Variants in ZNF135 observed in about 807,000 individuals in gnomAD.
ZNF135 encodes zinc finger protein 135 (clone pHZ-17).
A neutral mutation model predicts 12.3 loss-of-function variants in ZNF135; 11 were observed. The ratio of observed to expected loss-of-function variants is 0.89; its 90% confidence interval spans 0.56 to 1.48. The LOEUF is 1.48. ZNF135 is among the 40% of genes most tolerant of loss of function. The pLI, the probability that ZNF135 is intolerant of heterozygous loss-of-function variation, is 0.00. For synonymous variants in ZNF135, 316 were observed against 312.0 expected (o/e 1.01, Z -0.14); for missense variants, 722 against 815.7 (o/e 0.89, Z 1.40).
chr19:58,067,218 A>C lies in ZNF135; in HGVS notation c.734A>C (p.His245Pro), dbSNP rs139850602. 302 of 1,614,146 alleles carry C rather than the reference A, an allele frequency of 1.9e-4. No homozygotes were observed. In the African/African-American group the frequency reaches 3.4e-3, roughly 18 times the overall value. The part of the protein sequence containing the change: ...THTGERPYEC[H>P]ECLKGFRNSS... The stretch of plus-strand genomic sequence containing the variant: ...ACAGGAGAGAGACCTTACGAATGTC[A>C]CGAATGCTTAAAAGGCTTCCGGAAC... The change falls in exon 5 of 5, where the codon CAC (histidine) becomes CCC (proline). Residue 245 changes from histidine (H) to proline (P), a missense_variant. Transcript: ENST00000313434.
At position 58,065,951 on chromosome 19, in the gene ZNF135, T is replaced by G. The variant is rs751816760; in HGVS notation, c.257-790T>G. Among the ~76,000 whole-genome samples, 1 of 152,008 alleles carries G rather than the reference T, an allele frequency of 6.6e-6. No homozygotes were observed. Among genetic ancestry groups the G allele is most frequent in the Non-Finnish European group, 1.5e-5 (1 of 67,984 alleles). On this transcript the variant is annotated intron_variant, in intron 4 of 4. Coordinates refer to ENST00000313434, the MANE Select transcript of ZNF135 (RefSeq NM_001289401.2). This position sits in a 1 kb window ranked among gnomAD's most constrained non-coding sequence, Gnocchi z 4.0. Reference sequence around the variant, plus strand: ...CAGGTCATGGCTGTGCAGAGAGGGCTGGGTACCAGGGCAAAAAGAGAGTCC... The same window carrying G: ...CAGGTCATGGCTGTGCAGAGAGGGCGGGGTACCAGGGCAAAAAGAGAGTCC...
rs775135914 is a variant in ZNF135, at chr19:58,059,515, TGA to T, written c.-35+209_-35+210del. Among the ~76,000 whole-genome samples the T allele has an allele frequency of 4.5e-4, 69 of 151,986 alleles. No individual in the cohort carries two copies. Among genetic ancestry groups the T allele is most frequent in the Middle Eastern group, 6.8e-3 (2 of 294 alleles). On this transcript the variant is annotated intron_variant, in intron 1 of 4. Coordinates refer to ENST00000313434, the MANE Select transcript of ZNF135 (RefSeq NM_001289401.2). The surrounding 1 kb of genome is among the most constrained non-coding windows in gnomAD (Gnocchi z 6.5). ...CAGGCTTTGCGGGGCATCCCTAGTC[TGA>T]GAGGAGGGCGGGGCCCAACGCCCAG...
intron 4 of ZNF135, among the ~76,000 whole-genome samples, chr19:58,064,891 A>G (rs1364440988): frequency 6.6e-6 from 1 of 152,136 alleles, no homozygotes; most frequent in East Asian, 1.9e-4. Context: ...CCATGTTTCA[A>G]AAAAAACAAA....
In ZNF135 at chr19:58,060,186, C is replaced by CCTACTCGTGCCCGGCCT. The variant is rs1568610813; in HGVS notation, c.33+159_33+175dup. 2.7e-6 allele frequency: 4 copies of CCTACTCGTGCCCGGCCT among 1,504,250 alleles called. No individual in the cohort carries two copies. The East Asian group carries it at 9.9e-5, about 37-fold the overall frequency. The allele number at this position is 1,504,250 out of a possible 1,614,324, so 93.2% of individuals were successfully genotyped here. A position where few individuals can be genotyped will look rare whatever the true frequency, so the allele number is the denominator to read the frequency against. On this transcript the variant is annotated intron_variant, in intron 2 of 4. Coordinates refer to ENST00000313434, the MANE Select transcript of ZNF135 (RefSeq NM_001289401.2). The surrounding 1 kb of genome is among the most constrained non-coding windows in gnomAD (Gnocchi z 4.9). ...CCGGCCCCTACTTGCGTGCCCGGCCCCTACTCGTGCCCGGCCTCTACTCGC... is the reference window on the plus strand; with the variant it reads ...CCGGCCCCTACTTGCGTGCCCGGCCCCTACTCGTGCCCGGCCTCTACTCGTGCCCGGCCTCTACTCGC...
Position 58,059,734 on chromosome 19 carries a change from A to C in ZNF135, c.-34-235A>C, listed in dbSNP as rs2073934773. 3.4e-6 allele frequency: 2 copies of C among 584,906 alleles called. No homozygotes were observed. The highest frequency in any genetic ancestry group is 6.0e-6 in the Non-Finnish European group (2 of 333,948). The allele number at this position is 584,906 out of a possible 1,614,324, so 36.2% of individuals were successfully genotyped here. ...TAGCGTTAAGGCTCAGAGTCTGCGC[A>C]GCAGATATGTGTCCGCACCCGCCAG... On this transcript the variant is annotated intron_variant, in intron 1 of 4. Transcript: ENST00000313434. This position sits in a 1 kb window ranked among gnomAD's most constrained non-coding sequence, Gnocchi z 6.5.
chr19:58,066,714 G>T, intron 4 of ZNF135, 27 bp from the exon 5 acceptor site: 1 of 1,611,322 alleles, frequency 6.2e-7, no homozygotes, highest in Non-Finnish European at 8.5e-7. Context: ...GAGATTAAGG[G>T]ACATTTCCAG....
In ZNF135 at chr19:58,060,249, TGCCCG is replaced by T. The variant is rs1568610947; in HGVS notation, c.33+218_33+222del. 3.3e-5 allele frequency: 11 copies of T among 328,362 alleles called. No homozygotes were observed. Among genetic ancestry groups the T allele is most frequent in the Middle Eastern group, 9.5e-4 (1 of 1,056 alleles). 20.3% of individuals were successfully genotyped at this position (328,362 alleles called of 1,614,324 possible). A position where few individuals can be genotyped will look rare whatever the true frequency, so the allele number is the denominator to read the frequency against. On this transcript the variant is annotated intron_variant, in intron 2 of 4. Transcript: ENST00000313434. This position sits in a 1 kb window ranked among gnomAD's most constrained non-coding sequence, Gnocchi z 4.9. ...TACTCGCGCACCTGGCCTCTACTGG[TGCCCG>T]GCCTCTACTCGTGCCCGGCCTCTAT...
chr19:58,067,120 A>G lies in ZNF135; in HGVS notation c.636A>G (p.Lys212=). 3 of 1,614,234 alleles carry G rather than the reference A, an allele frequency of 1.9e-6. No individual in the cohort carries two copies. Among genetic ancestry groups the G allele is most frequent in the Non-Finnish European group, 2.5e-6 (3 of 1,180,038 alleles). Reference sequence around the variant, plus strand: ...TACAGAAAACCTGTGTAAAAGAGAAACCCTACAAATGTCAGGAATGCGGAA... The same window carrying G: ...TACAGAAAACCTGTGTAAAAGAGAAGCCCTACAAATGTCAGGAATGCGGAA... ...NVLQKTCVKE[K]PYKCQECGKA... is the part of the protein sequence containing the mutation. Residue 212 remains lysine, a synonymous_variant, in exon 5 of 5, where the codon AAA becomes AAG. Coordinates refer to ENST00000313434, the MANE Select transcript of ZNF135 (RefSeq NM_001289401.2).
rs775548806 is a variant in ZNF135 at position 58,067,530 on chromosome 19, C to G, written c.1046C>G (p.Thr349Ser). 4 of 1,613,974 alleles carry G rather than the reference C, an allele frequency of 2.5e-6. No individual in the cohort carries two copies. The highest frequency in any genetic ancestry group is 2.5e-6 in the Non-Finnish European group (3 of 1,179,988). Reference protein sequence around the residue: ...IHLTQHLRIHTGEKPYQCGEC... With the variant: ...IHLTQHLRIHSGEKPYQCGEC... Reference sequence around the variant, plus strand: ...CTCACCCAGCATCTGCGAATCCACACTGGGGAGAAACCCTATCAGTGTGGT... The same window carrying G: ...CTCACCCAGCATCTGCGAATCCACAGTGGGGAGAAACCCTATCAGTGTGGT... Residue 349 changes from threonine to serine, a missense_variant, in exon 5 of 5, where the codon ACT becomes AGT. Physicochemically the swap from Thr to Ser is moderately conservative, Grantham distance 58 (BLOSUM62 1). Coordinates refer to ENST00000313434, the MANE Select transcript of ZNF135 (RefSeq NM_001289401.2).
intron 3 of ZNF135, among the ~76,000 whole-genome samples, chr19:58,062,110 T>C (rs2145925820): frequency 6.6e-6 from 1 of 152,356 alleles, no homozygotes; most frequent in Admixed American, 6.5e-5. Context: ...TTGCTCATGG[T>C]TCTGGAGGCT....
At chr19:58,064,450 A>G (rs2074034129) in intron 4 of ZNF135, among the ~76,000 whole-genome samples, 1 of 152,150 alleles carries the variant, frequency 6.6e-6, no homozygotes, top group Non-Finnish European at 1.5e-5. Flanking sequence ...TGTGAAGACA[A>G]TGAGGATGAA....
rs139513426 is a variant in ZNF135, at chr19:58,061,060, G to A, written c.34-520G>A. 4.3e-4 allele frequency among the ~76,000 whole-genome samples: 65 copies of A among 151,940 alleles called. No individual in the cohort carries two copies. The East Asian group carries it at 0.011, about 27-fold the overall frequency. On this transcript the variant is annotated intron_variant, in intron 2 of 4. Transcript: ENST00000313434. ...GGAGAATGGCGTGAACCCAGGAGGC[G>A]GAGCTTGCAGTGAGCCAAGATCATG...
Position 58,068,166 on chromosome 19 carries a change from A to G in ZNF135, c.1682A>G (p.Gln561Arg), listed in dbSNP as rs1398677115. 1 of 1,614,096 alleles carries G rather than the reference A, an allele frequency of 6.2e-7. No homozygotes were observed. The highest frequency in any genetic ancestry group is 1.7e-5 in the Admixed American group (1 of 60,004). ...AACCAGTGTGGCAGAGCCTTCAGCC[A>G]GAGCTCCCTTCTCATCGAACACCAG... Reference protein sequence around the residue: ...ECNQCGRAFSQSSLLIEHQRI... With the variant: ...ECNQCGRAFSRSSLLIEHQRI... Residue 561 changes from glutamine to arginine, a missense_variant, in exon 5 of 5, where the codon CAG (glutamine) becomes CGG (arginine). By Grantham distance (43) the Gln-to-Arg change is conservative. Coordinates refer to ENST00000313434, the MANE Select transcript of ZNF135 (RefSeq NM_001289401.2).
Position 58,060,359 on chromosome 19 carries a change from A to C in ZNF135, c.33+324A>C. On this transcript the variant is annotated intron_variant, in intron 2 of 4. Coordinates refer to ENST00000313434, the MANE Select transcript of ZNF135 (RefSeq NM_001289401.2). This position sits in a 1 kb window ranked among gnomAD's most constrained non-coding sequence, Gnocchi z 4.9. ...AAAGTCCGCGCCAAGCTCCCCAACC[A>C]CAGCCTGCCTCTGAAAGGACCGCCC... 4.8e-6 allele frequency: 6 copies of C among 1,258,784 alleles called. No individual in the cohort carries two copies. The highest frequency in any genetic ancestry group is 3.6e-5 in the Admixed American group (1 of 27,924). The allele number at this position is 1,258,784 out of a possible 1,614,324, so 78.0% of individuals were successfully genotyped here.
chr19:58,064,975 T>G (rs1673753216), intron 4 of ZNF135, among the ~76,000 whole-genome samples: 2 of 152,336 alleles, frequency 1.3e-5, no homozygotes, highest in South Asian at 4.1e-4. Context: ...AGTCAAAGGC[T>G]ATACACAGAT....
chr19:58,066,824 G>C lies in ZNF135; in HGVS notation c.340G>C (p.Glu114Gln), dbSNP rs746813877. Residue 114 changes from glutamate to glutamine, a missense_variant, in exon 5 of 5, where the codon GAA (glutamate) becomes CAA (glutamine). Glu to Gln is a conservative substitution (Grantham distance 29). Coordinates refer to ENST00000313434, the MANE Select transcript of ZNF135 (RefSeq NM_001289401.2). Reference protein sequence around the residue: ...EEISNSVILVERFLWDGLWYC... With the variant: ...EEISNSVILVQRFLWDGLWYC... ...AATATCCAACAGTGTCATCTTGGTA[G>C]AAAGATTCCTGTGGGATGGTCTGTG... The C allele has an allele frequency of 1.2e-6, 2 of 1,614,114 alleles. No homozygotes were observed. Among genetic ancestry groups the C allele is most frequent in the East Asian group, 4.5e-5 (2 of 44,900 alleles).
In ZNF135 at chr19:58,063,560, G is replaced by C; in HGVS notation, c.256+19G>C. The C allele has an allele frequency of 9.9e-6, 16 of 1,613,746 alleles. No individual in the cohort carries two copies. Among genetic ancestry groups the C allele is most frequent in the Non-Finnish European group, 1.4e-5 (16 of 1,179,792 alleles). On this transcript the variant is annotated intron_variant, in intron 4 of 4. Coordinates refer to ENST00000313434, the MANE Select transcript of ZNF135 (RefSeq NM_001289401.2). The surrounding 1 kb of genome is among the most constrained non-coding windows in gnomAD (Gnocchi z 4.4). ...TACCCAGGTGAGATGGGAGCCCTTC[G>C]GGGCAGAGAGAAGCCTGTCCATGCT...
rs891513164 is a variant in ZNF135 at position 58,060,549 on chromosome 19, C to T, written c.33+514C>T. 9.7e-6 allele frequency: 7 copies of T among 723,016 alleles called. No homozygotes were observed. Among genetic ancestry groups the T allele is most frequent in the African/African-American group, 1.9e-5 (1 of 51,976 alleles). The allele number at this position is 723,016 out of a possible 1,614,324, so 44.8% of individuals were successfully genotyped here. ...TAGCATGCTCTGCGCTCCAAGATGG[C>T]GCATCGAGTGCCGCTTCCTCAGACG... On this transcript the variant is annotated intron_variant, in intron 2 of 4. Transcript: ENST00000313434. The surrounding 1 kb of genome is among the most constrained non-coding windows in gnomAD (Gnocchi z 4.9).
rs1286281283 is a variant in ZNF135, at chr19:58,067,034, A to C, written c.550A>C (p.Arg184=). 6.2e-7 allele frequency: 1 copy of C among 1,614,232 alleles called. No individual in the cohort carries two copies. The highest frequency in any genetic ancestry group is 1.7e-5 in the Admixed American group (1 of 60,032). Residue 184 remains arginine, a synonymous_variant, in exon 5 of 5, where the codon AGA becomes CGA. Coordinates refer to ENST00000313434, the MANE Select transcript of ZNF135 (RefSeq NM_001289401.2). ...CCCACATCAACCAATGACTCCTGAA[A>C]GACAAAGCCCCCACACATGGGGAAC... The part of the protein sequence containing the change: ...DLPHQPMTPE[R]QSPHTWGTRG...
Sources: allele counts gnomAD v4.1 joint callset (sites outside exome capture counted in the v4.1 genomes callset), GRCh38; gene constraint gnomAD v4.1.1; non-coding constraint Gnocchi (gnomAD v3.1); transcripts MANE v1.5; gene names NCBI Gene and HGNC (gene_info 2026-07-23, HGNC 2026-07-21).